Variants in PCOLCE2 observed in about 807,000 individuals in gnomAD.
The protein encoded by PCOLCE2 is procollagen C-endopeptidase enhancer 2, also known as procollagen C-proteinase enhancer 2.
PCOLCE2 carries 42 observed loss-of-function variants against 47.0 expected under a neutral mutation model. That is an observed-to-expected ratio of 0.89 (90% CI 0.70 to 1.16). The LOEUF (loss-of-function observed/expected upper bound fraction) is 1.16, where lower values mean the gene tolerates loss of function less well. Ranked by LOEUF, PCOLCE2 falls within the 50% of genes most tolerant of loss-of-function variation. The pLI, the probability that PCOLCE2 is intolerant of heterozygous loss-of-function variation, is 0.00. For synonymous variants in PCOLCE2, 169 were observed against 191.7 expected (o/e 0.88, Z 0.98); for missense variants, 500 against 526.1 (o/e 0.95, Z 0.49).
chr3:142,889,034 C>G lies in PCOLCE2; in HGVS notation c.-138G>C, dbSNP rs1271903902. On this transcript the variant is annotated 5_prime_UTR_variant, in exon 1 of 9. Transcript: ENST00000295992. The stretch of plus-strand genomic sequence containing the variant: ...ACCGGCGCTCGGCTGCCCGCGCGCT[C>G]CCTCTCACGCGCGCACCGCCGCGGG... 4 of 310,646 alleles carry G rather than the reference C, an allele frequency of 1.3e-5. No homozygotes were observed. The highest frequency in any genetic ancestry group is 2.7e-4 in the South Asian group (2 of 7,518). 19.2% of individuals were successfully genotyped at this position (310,646 alleles called of 1,614,324 possible).
chr3:142,874,198 CTT>C (rs1324661313), intron 2 of PCOLCE2, among the ~76,000 whole-genome samples: 2 of 152,220 alleles, frequency 1.3e-5, no homozygotes, highest in African/African-American at 4.8e-5. Flanking sequence ...GCCTCAGCCT[CTT>C]GAGTAGTTGG....
chr3:142,833,514 T>C (rs946584469), intron 5 of PCOLCE2, among the ~76,000 whole-genome samples: 1 of 150,608 alleles, frequency 6.6e-6, no homozygotes, highest in Admixed American at 6.6e-5. Flanking sequence ...CTCAACATTA[T>C]AACTATGAGA....
rs889541330 is a variant in PCOLCE2 at position 142,842,339 on chromosome 3, A to C, written c.573+585T>G. 6.6e-6 allele frequency among the ~76,000 whole-genome samples: 1 copy of C among 152,318 alleles called. No homozygotes were observed. The highest frequency in any genetic ancestry group is 2.1e-4 in the South Asian group (1 of 4,824). ...GCTTATAACATCCACTGCAGGGTTA[A>C]ACAATCCTATGTGAGATCTGCTTAC... is the stretch of plus-strand genomic sequence containing the variant. On this transcript the variant is annotated intron_variant, in intron 4 of 8. Coordinates refer to ENST00000295992, the MANE Select transcript of PCOLCE2 (RefSeq NM_013363.4). This position sits in a 1 kb window ranked among gnomAD's most constrained non-coding sequence, Gnocchi z 4.1.
intron 3 of PCOLCE2, 94 bp downstream of exon 3, chr3:142,848,123 C>A (rs924757891): frequency 3.8e-6 from 5 of 1,303,974 alleles, no homozygotes; most frequent in Non-Finnish European, 5.3e-6. Flanking sequence ...TCTTTGAGAA[C>A]CACTCTTAAG....
intron 2 of PCOLCE2, among the ~76,000 whole-genome samples, chr3:142,869,875 C>T (rs545656799): frequency 6.6e-6 from 1 of 152,294 alleles, no homozygotes; most frequent in African/African-American, 2.4e-5. Flanking sequence ...AACTGGGGCA[C>T]ATGTTCTCAG....
intron 2 of PCOLCE2, among the ~76,000 whole-genome samples, chr3:142,867,638 A>G (rs1469212785): frequency 1.3e-5 from 2 of 151,578 alleles, no homozygotes; most frequent in Non-Finnish European, 2.9e-5. Context: ...CCATCAGGGA[A>G]ATGACAACTA....
chr3:142,827,902 T>C (rs1290492099), intron 6 of PCOLCE2, among the ~76,000 whole-genome samples: 3 of 152,184 alleles, frequency 2.0e-5, no homozygotes, highest in Non-Finnish European at 1.5e-5. Context: ...ACAGTGGCAG[T>C]ATCCCCCTAG....
intron 2 of PCOLCE2, among the ~76,000 whole-genome samples, chr3:142,871,988 C>A (rs1476655894): frequency 6.6e-6 from 1 of 152,122 alleles, no homozygotes; most frequent in Non-Finnish European, 1.5e-5. Context: ...CCCATCTTCA[C>A]CCTACTCTTC....
intron 2 of PCOLCE2, among the ~76,000 whole-genome samples, chr3:142,849,662 A>G (rs956528343): frequency 2.0e-5 from 3 of 152,206 alleles, no homozygotes; most frequent in African/African-American, 7.2e-5. Flanking sequence ...AGTCTTGATC[A>G]TAATTGTTTT....
At chr3:142,860,895 A>T (rs1172232191) in intron 2 of PCOLCE2, among the ~76,000 whole-genome samples, 4 of 152,210 alleles carry the variant, frequency 2.6e-5, no homozygotes. Flanking sequence ...CCTGCAGCAC[A>T]GCTGTGGGCT....
chr3:142,848,272 G>A lies in PCOLCE2; in HGVS notation c.393C>T (p.Asn131=). The A allele has an allele frequency of 1.2e-6, 2 of 1,614,198 alleles. No homozygotes were observed. Among genetic ancestry groups the A allele is most frequent in the East Asian group, 4.5e-5 (2 of 44,884 alleles). The change falls in exon 3 of 9, where the codon AAC becomes AAT. Residue 131 remains asparagine, a synonymous_variant. Transcript: ENST00000295992. ...KMMVQMISDA[N]TAGNGFMAMF... Reference sequence around the variant, plus strand: ...TGGCCATGAAGCCATTGCCAGCTGTGTTGGCATCAGAAATCATCTGCACCA... The same window carrying A: ...TGGCCATGAAGCCATTGCCAGCTGTATTGGCATCAGAAATCATCTGCACCA...
intron 2 of PCOLCE2, among the ~76,000 whole-genome samples, chr3:142,885,714 G>A (rs1933707089): frequency 6.6e-6 from 1 of 152,082 alleles, no homozygotes; most frequent in Admixed American, 6.5e-5. Flanking sequence ...CTTCCTAATT[G>A]GTCTCTCTGC....
intron 2 of PCOLCE2, among the ~76,000 whole-genome samples, chr3:142,876,518 T>G (rs953341794): frequency 6.6e-6 from 1 of 152,176 alleles, no homozygotes; most frequent in African/African-American, 2.4e-5. Context: ...TAATGTACTC[T>G]TATTTGTTAT....
At chr3:142,874,418 C>T (rs750155665) in intron 2 of PCOLCE2, among the ~76,000 whole-genome samples, 3 of 152,162 alleles carry the variant, frequency 2.0e-5, no homozygotes, top group Non-Finnish European at 4.4e-5. Flanking sequence ...ACTCTCTGCA[C>T]GATGTAAGAC....
intron 2 of PCOLCE2, among the ~76,000 whole-genome samples, chr3:142,885,371 A>G (rs1274455835): frequency 2.6e-5 from 4 of 152,180 alleles, no homozygotes; most frequent in African/African-American, 9.7e-5. Flanking sequence ...CCTCTGTGAT[A>G]TTTTAATAAA....
chr3:142,836,001 A>AT (rs35613965), intron 5 of PCOLCE2, among the ~76,000 whole-genome samples: 52,905 of 152,054 alleles, frequency 0.35, 9,960 homozygotes, highest in Non-Finnish European at 0.42. Context: ...TTTGCACTGA[A>AT]TTTTTTGTCA....
chr3:142,878,179 C>G (rs971204141), intron 2 of PCOLCE2, among the ~76,000 whole-genome samples: 2 of 152,064 alleles, frequency 1.3e-5, no homozygotes, highest in African/African-American at 4.8e-5. Context: ...TACTCAGGAG[C>G]AGCTTGGGGG....
chr3:142,820,557 G>A (rs2108181926), intron 8 of PCOLCE2, among the ~76,000 whole-genome samples: 1 of 152,176 alleles, frequency 6.6e-6, no homozygotes, highest in Non-Finnish European at 1.5e-5. Flanking sequence ...TTGGCTGCTG[G>A]ATATTTTTCT....
intron 2 of PCOLCE2, chr3:142,864,307 CA>C (rs2108205190): frequency 6.6e-6 from 1 of 152,248 alleles, no homozygotes; most frequent in African/African-American, 2.4e-5. Flanking sequence ...TGTGGTTTTT[CA>C]ATTCAAGGAG....
Sources: gnomAD v4.1 joint callset for allele counts (sites outside exome capture counted in the v4.1 genomes callset) on GRCh38, gnomAD v4.1.1 for gene constraint, Gnocchi (gnomAD v3.1) non-coding constraint, MANE v1.5 for transcripts, NCBI Gene and HGNC (gene_info 2026-07-23, HGNC 2026-07-21) for gene names.